ADCY2: variants seen among roughly 807,000 people sequenced by gnomAD.
ADCY2 encodes adenylate cyclase 2.
Under a neutral mutation model 125.2 loss-of-function variants are expected in ADCY2, and 31 were observed. The ratio of observed to expected loss-of-function variants is 0.25; its 90% confidence interval spans 0.19 to 0.33. The LOEUF (loss-of-function observed/expected upper bound fraction) is 0.33, where lower values mean the gene tolerates loss of function less well. Among genes scored for constraint, ADCY2 ranks in the 10% least tolerant of loss-of-function variants. The pLI is 1.00. For missense variants in ADCY2, 904 were observed against 1,418.2 expected (o/e 0.64, Z 5.82); for synonymous variants, 512 against 548.4 (o/e 0.93, Z 0.93).
chr5:7,596,818 G>A (rs1211350698), intron 3 of ADCY2, among the ~76,000 whole-genome samples: 1 of 152,210 alleles, frequency 6.6e-6, no homozygotes, highest in Admixed American at 6.5e-5. Context: ...CACAGACAAT[G>A]TAATCTCAAG....
chr5:7,703,204 C>CT (rs1297798418), intron 7 of ADCY2, among the ~76,000 whole-genome samples: 1 of 152,152 alleles, frequency 6.6e-6, no homozygotes, highest in Admixed American at 6.5e-5. Flanking sequence ...ATGGCAGTTT[C>CT]TTTTGCTGTG....
At chr5:7,767,675 G>C (rs1488836839) in intron 17 of ADCY2, among the ~76,000 whole-genome samples, 1 of 151,938 alleles carries the variant, frequency 6.6e-6, no homozygotes, top group East Asian at 1.9e-4. Context: ...ATTTTGCTCT[G>C]GTCCTTTTTC....
At chr5:7,807,449 A>C (rs548674627) in intron 22 of ADCY2, among the ~76,000 whole-genome samples, 2 of 152,290 alleles carry the variant, frequency 1.3e-5, no homozygotes, top group South Asian at 4.2e-4. Flanking sequence ...TTCTCTGAGC[A>C]TTCGTCCTAG....
At chr5:7,593,562 A>G (rs1736913291) in intron 3 of ADCY2, among the ~76,000 whole-genome samples, 1 of 143,152 alleles carries the variant, frequency 7.0e-6, no homozygotes, top group Non-Finnish European at 1.5e-5. Flanking sequence ...ATAGGATGAG[A>G]AAAAAAAAAT....
rs1741617363 is a variant in ADCY2 at position 7,717,205 on chromosome 5, G to A, written c.1671G>A (p.Met557Ile). 3 of 1,611,248 alleles carry A rather than the reference G, an allele frequency of 1.9e-6. No individual in the cohort carries two copies. The highest frequency in any genetic ancestry group is 1.7e-5 in the Admixed American group (1 of 59,860). ...KRFEEELNERMIQAIDGINAQ... is the reference protein window; with the variant it reads ...KRFEEELNERIIQAIDGINAQ... ...TTGAAGAAGAATTGAATGAAAGGAT[G>A]ATTCAAGCAATTGATGGGATTAATG... The change falls in exon 12 of 25, where the codon ATG becomes ATA. Residue 557 changes from methionine to isoleucine, a missense_variant. Physicochemically the swap from Met to Ile is conservative, Grantham distance 10. Transcript: ENST00000338316.
chr5:7,811,834 A>G (rs925211869), intron 22 of ADCY2, among the ~76,000 whole-genome samples: 1 of 152,198 alleles, frequency 6.6e-6, no homozygotes, highest in Non-Finnish European at 1.5e-5. Context: ...TGACAAAACA[A>G]TGAACAGGAA....
At chr5:7,796,015 A>G (rs925260059) in intron 20 of ADCY2, 2 of 152,200 alleles carry the variant, frequency 1.3e-5, no homozygotes, top group African/African-American at 2.4e-5. Flanking sequence ...GAAAGATGCA[A>G]TATCTGTGCA....
intron 3 of ADCY2, among the ~76,000 whole-genome samples, chr5:7,581,052 G>T (rs991660430): frequency 6.6e-6 from 1 of 152,184 alleles, no homozygotes; most frequent in Admixed American, 6.5e-5. Flanking sequence ...CAGCAGACGT[G>T]AACTGTATGA....
intron 2 of ADCY2, among the ~76,000 whole-genome samples, chr5:7,509,137 A>G (rs1743961295): frequency 6.6e-6 from 1 of 152,228 alleles, no homozygotes; most frequent in Non-Finnish European, 1.5e-5. Context: ...TTCACTCTGG[A>G]AGACTTCAGA....
intron 2 of ADCY2, among the ~76,000 whole-genome samples, chr5:7,520,481 C>T (rs1339586172): frequency 6.6e-6 from 1 of 152,160 alleles, no homozygotes; most frequent in Non-Finnish European, 1.5e-5. Context: ...AGCTTTGCAT[C>T]CATACTCATG....
At chr5:7,738,056 T>A (rs1742299515) in intron 14 of ADCY2, among the ~76,000 whole-genome samples, 1 of 152,086 alleles carries the variant, frequency 6.6e-6, no homozygotes, top group African/African-American at 2.4e-5. Context: ...TAAAGTGAAA[T>A]TATGTCAGAA....
chr5:7,427,480 C>T (rs1418638375), intron 2 of ADCY2, among the ~76,000 whole-genome samples: 3 of 152,116 alleles, frequency 2.0e-5, no homozygotes, highest in Admixed American at 6.5e-5. Context: ...CATCAGATCT[C>T]GTGAGAACTC....
intron 4 of ADCY2, among the ~76,000 whole-genome samples, chr5:7,678,517 G>A (rs369603113): frequency 1.3e-5 from 2 of 152,102 alleles, no homozygotes; most frequent in Admixed American, 6.5e-5. Context: ...AATTGAAAGA[G>A]AGAGATGTAC....
At chr5:7,558,601 C>T (rs901289092) in intron 3 of ADCY2, among the ~76,000 whole-genome samples, 8 of 152,038 alleles carry the variant, frequency 5.3e-5, no homozygotes, top group East Asian at 1.9e-4. Context: ...CTGTTGGATG[C>T]GTAGTTTGCA....
chr5:7,722,960 CAAAAAAAAAAAA>C (rs60426818), intron 12 of ADCY2, among the ~76,000 whole-genome samples: 1 of 51,634 alleles, frequency 1.9e-5, no homozygotes, highest in Admixed American at 2.9e-4. Context: ...AACTCCATCT[CAAAAAAAAAAAA>C]AAAAAAAAAA....
chr5:7,446,402 A>G (rs1454355456), intron 2 of ADCY2, among the ~76,000 whole-genome samples: 3 of 152,108 alleles, frequency 2.0e-5, no homozygotes, highest in Non-Finnish European at 4.4e-5. Context: ...ATTATATTTT[A>G]TTGCTTTTGC....
intron 3 of ADCY2, among the ~76,000 whole-genome samples, chr5:7,561,555 A>T (rs1199086082): frequency 6.6e-6 from 1 of 152,218 alleles, no homozygotes; most frequent in African/African-American, 2.4e-5. Context: ...ATGGCCGTAT[A>T]AAATGTGAAC....
At chr5:7,565,588 A>G (rs1735864269) in intron 3 of ADCY2, among the ~76,000 whole-genome samples, 1 of 152,244 alleles carries the variant, frequency 6.6e-6, no homozygotes, top group African/African-American at 2.4e-5. Flanking sequence ...TCATGCTCAC[A>G]CAATTGTAGT....
chr5:7,501,114 A>T (rs142034544), intron 2 of ADCY2, among the ~76,000 whole-genome samples: 225 of 143,810 alleles, frequency 1.6e-3, no homozygotes, highest in African/African-American at 5.5e-3. Context: ...GCTACAATTT[A>T]AATAAAAGCT....
Sources: allele counts gnomAD v4.1 joint callset (sites outside exome capture counted in the v4.1 genomes callset), GRCh38; gene constraint gnomAD v4.1.1; transcripts MANE v1.5; gene names NCBI Gene and HGNC (gene_info 2026-07-23, HGNC 2026-07-21).